Variants in CADM2 observed in about 807,000 individuals in gnomAD.
The protein encoded by CADM2 is immunoglobulin superfamily member 4D.
In CADM2, 12 loss-of-function variants were observed where a neutral mutation model predicts 49.8. That is an observed-to-expected ratio of 0.24 (90% CI 0.15 to 0.39). The LOEUF (loss-of-function observed/expected upper bound fraction) is 0.39. Ranked by LOEUF, CADM2 falls within the 10% of genes least tolerant of loss-of-function variation. CADM2 has a pLI of 1.00. For missense variants in CADM2, 378 were observed against 492.3 expected, an observed-to-expected ratio of 0.77 and a Z score of 2.20; for synonymous variants, 214 against 175.4, an observed-to-expected ratio of 1.22 and a Z score of -1.74.
chr3:85,156,809 A>G (rs2040140578), intron 1 of CADM2, among the ~76,000 whole-genome samples: 1 of 152,162 alleles, frequency 6.6e-6, no homozygotes, highest in Non-Finnish European at 1.5e-5. Context: ...CACCACTCCT[A>G]TTCAACATAG....
chr3:85,512,004 T>A (rs926696106), intron 1 of CADM2: 3 of 457,590 alleles, frequency 6.6e-6, no homozygotes, highest in East Asian at 1.6e-4. Flanking sequence ...TCTTTTAAAA[T>A]TTTTTTCAAC....
At chr3:85,002,631 A>C (rs1053261037) in intron 1 of CADM2, among the ~76,000 whole-genome samples, 2 of 152,118 alleles carry the variant, frequency 1.3e-5, no homozygotes, top group Admixed American at 1.3e-4. Flanking sequence ...AGGCTTTCTA[A>C]CAACTAGCTG....
At chr3:85,368,267 G>A (rs1239740137) in intron 1 of CADM2, among the ~76,000 whole-genome samples, 2 of 151,896 alleles carry the variant, frequency 1.3e-5, no homozygotes, top group Non-Finnish European at 2.9e-5. Context: ...ACTACCTTCT[G>A]ATGATCTAAT....
At chr3:85,807,481 G>A (rs578146362) in intron 3 of CADM2, among the ~76,000 whole-genome samples, 22 of 128,538 alleles carry the variant, frequency 1.7e-4, no homozygotes, top group African/African-American at 6.7e-4. Context: ...CCTAGGCATC[G>A]AGAGTGAAAC....
At chr3:85,064,755 T>C (rs1216476695) in intron 1 of CADM2, among the ~76,000 whole-genome samples, 1 of 152,154 alleles carries the variant, frequency 6.6e-6, no homozygotes, top group African/African-American at 2.4e-5. Flanking sequence ...GAAGTAGTTT[T>C]ATATTTCTCT....
At chr3:85,804,444 C>G (rs895562016) in intron 3 of CADM2, among the ~76,000 whole-genome samples, 2 of 152,148 alleles carry the variant, frequency 1.3e-5, no homozygotes, top group African/African-American at 2.4e-5. Context: ...TTGTCCCAAG[C>G]AGCAACTATA....
intron 1 of CADM2, among the ~76,000 whole-genome samples, chr3:85,105,007 C>T (rs185531022): frequency 3.9e-5 from 6 of 152,190 alleles, no homozygotes; most frequent in South Asian, 2.1e-4. Context: ...ACAATCATGT[C>T]GTCTTCAAAC....
chr3:85,318,244 G>A (rs1399627462), intron 1 of CADM2, among the ~76,000 whole-genome samples: 1 of 151,744 alleles, frequency 6.6e-6, no homozygotes, highest in Non-Finnish European at 1.5e-5. Context: ...ATAAATGGGG[G>A]GTTGATGTAA....
chr3:85,027,108 C>CTTTTT (rs1559623781), intron 1 of CADM2, among the ~76,000 whole-genome samples: 841 of 36,186 alleles, frequency 0.023, 17 homozygotes, highest in African/African-American at 0.15. Flanking sequence ...TTTTCTTTTT[C>CTTTTT]CTTTTTTTTT....
chr3:85,312,093 C>T (rs987116910), intron 1 of CADM2, among the ~76,000 whole-genome samples: 18 of 152,116 alleles, frequency 1.2e-4, no homozygotes, highest in African/African-American at 4.1e-4. Flanking sequence ...TATTATTTTA[C>T]TCATCCAAAG....
chr3:85,751,975 G>T (rs950018085), intron 2 of CADM2, among the ~76,000 whole-genome samples: 2 of 151,972 alleles, frequency 1.3e-5, no homozygotes, highest in Non-Finnish European at 2.9e-5. Context: ...TAGATGAAAT[G>T]AATCAAAAAG....
intron 1 of CADM2, among the ~76,000 whole-genome samples, chr3:85,222,433 G>A (rs906888694): frequency 2.6e-5 from 4 of 152,130 alleles, no homozygotes; most frequent in Non-Finnish European, 5.9e-5. Context: ...TCTCCTTGGA[G>A]CTGCACTGGA....
chr3:85,091,228 G>A (rs2037585060), intron 1 of CADM2, among the ~76,000 whole-genome samples: 2 of 151,858 alleles, frequency 1.3e-5, no homozygotes, highest in Admixed American at 6.6e-5. Flanking sequence ...AAGTGAGAAT[G>A]GCACTATGAA....
At chr3:85,392,179 T>C (rs1021441369) in intron 1 of CADM2, among the ~76,000 whole-genome samples, 27 of 152,078 alleles carry the variant, frequency 1.8e-4, no homozygotes, top group African/African-American at 6.3e-4. Flanking sequence ...GAACAGTGAG[T>C]TAGATTGCTA....
At position 84,995,112 on chromosome 3, in the gene CADM2, T is replaced by C. The variant is rs2033108695; in HGVS notation, c.61+35444T>C. Among the ~76,000 whole-genome samples the C allele has an allele frequency of 2.6e-5, 4 of 152,148 alleles. No homozygotes were observed. The South Asian group carries it at 8.3e-4, about 32-fold the overall frequency. On this transcript the variant is annotated intron_variant, in intron 1 of 9. Coordinates refer to ENST00000383699, the MANE Select transcript of CADM2 (RefSeq NM_001167675.2). ...TTCCTCATTATTTTTATAAAATCTT[T>C]CTAAATGAAGAGTGCAAATAACTCC...
intron 1 of CADM2, among the ~76,000 whole-genome samples, chr3:85,631,135 T>C (rs1451695239): frequency 3.3e-5 from 5 of 152,060 alleles, no homozygotes; most frequent in African/African-American, 1.2e-4. Context: ...TGACCACTCT[T>C]CTCTTCGGAC....
At chr3:85,309,880 T>C (rs1036590807) in intron 1 of CADM2, among the ~76,000 whole-genome samples, 2 of 152,226 alleles carry the variant, frequency 1.3e-5, no homozygotes, top group African/African-American at 4.8e-5. Context: ...CTTGGCTTCT[T>C]ATCAAAGGTC....
intron 8 of CADM2, among the ~76,000 whole-genome samples, chr3:86,020,681 A>G (rs1378430394): frequency 2.0e-5 from 3 of 152,150 alleles, no homozygotes; most frequent in African/African-American, 7.2e-5. Context: ...GGCTGGTTCA[A>G]TATACGCAAA....
intron 1 of CADM2, among the ~76,000 whole-genome samples, chr3:85,256,666 G>A (rs2042892183): frequency 6.6e-6 from 1 of 152,048 alleles, no homozygotes; most frequent in Admixed American, 6.6e-5. Flanking sequence ...ACAAAGTCTA[G>A]TTTTGATTAA....
Sources: gnomAD v4.1 joint callset for allele counts (sites outside exome capture counted in the v4.1 genomes callset) on GRCh38, gnomAD v4.1.1 for gene constraint, MANE v1.5 for transcripts, NCBI Gene and HGNC (gene_info 2026-07-23, HGNC 2026-07-21) for gene names.